The following ZNF423 variants were observed in gnomAD, a reference collection of about 807,000 sequenced individuals.
The protein encoded by ZNF423 is Ebf-associated zinc finger protein.
A neutral mutation model predicts 95.8 loss-of-function variants in ZNF423; 12 were observed. The ratio of observed to expected loss-of-function variants is 0.13; its 90% CI spans 0.08 to 0.20. The LOEUF (loss-of-function observed/expected upper bound fraction) is 0.20, where lower values mean the gene tolerates loss of function less well. ZNF423 is among the 10% of genes least tolerant of loss of function. ZNF423 has a pLI of 1.00. For synonymous variants in ZNF423, 749 were observed against 711.9 expected (o/e 1.05, Z -0.83); for missense variants, 1,316 against 1,737.1 (o/e 0.76, Z 4.31).
intron 3 of ZNF423, among the ~76,000 whole-genome samples, chr16:49,641,184 GC>G (rs1350458462): frequency 1.3e-5 from 2 of 152,246 alleles, no homozygotes; most frequent in East Asian, 3.8e-4. Flanking sequence ...CTGAGGCACG[GC>G]CTCAGAGACT....
At chr16:49,529,806 G>A (rs1293036055) in intron 5 of ZNF423, among the ~76,000 whole-genome samples, 1 of 152,182 alleles carries the variant, frequency 6.6e-6, no homozygotes, top group African/African-American at 2.4e-5. Context: ...GGCTGCAGCG[G>A]GGTGTGGACG....
Position 49,636,015 on chromosome 16 carries a change from A to G in ZNF423, c.3161T>C (p.Leu1054Pro). The G allele has an allele frequency of 1.9e-6, 3 of 1,608,060 alleles. No homozygotes were observed. The highest frequency in any genetic ancestry group is 2.6e-6 in the Non-Finnish European group (3 of 1,175,592). Reference protein sequence around the residue: ...KIHGTFHMQKLAGSSAASSPN... With the variant: ...KIHGTFHMQKPAGSSAASSPN... ...GGAGGACGCCGCTGAGCTGCCCGCC[A>G]GCTTCTGCATGTGGAAGGTGCCATG... The change falls in exon 4 of 8, where the codon CTG becomes CCG. Residue 1054 changes from leucine to proline, a missense_variant. Physicochemically the swap from Leu to Pro is moderately conservative, Grantham distance 98. Transcript: ENST00000563137. This position sits in a 1 kb window ranked among gnomAD's most constrained non-coding sequence, Gnocchi z 8.6.
rs188970391 is a variant in ZNF423, at chr16:49,586,250, C to T, written c.3601+39920G>A. ...GCGTGGCGTGATACAAACGACACTT[C>T]GATTTAATTACCACCTTTTTTTTTT... is the stretch of plus-strand genomic sequence containing the variant. On this transcript the variant is annotated intron_variant, in intron 5 of 7. Coordinates refer to ENST00000563137, the MANE Select transcript of ZNF423 (RefSeq NM_001379286.1). Among the ~76,000 whole-genome samples, 10 of 151,780 alleles carry T rather than the reference C, an allele frequency of 6.6e-5. No homozygotes were observed. In the East Asian group the frequency reaches 1.2e-3, roughly 18 times the overall value.
At chr16:49,797,889 A>G (rs891649159) in intron 1 of ZNF423, among the ~76,000 whole-genome samples, 1 of 151,744 alleles carries the variant, frequency 6.6e-6, no homozygotes, top group Non-Finnish European at 1.5e-5. Flanking sequence ...TCTCACCAAA[A>G]GGAGGCTGGG....
At chr16:49,627,357 C>T (rs1972327697) in intron 4 of ZNF423, among the ~76,000 whole-genome samples, 1 of 144,208 alleles carries the variant, frequency 6.9e-6, no homozygotes, top group Non-Finnish European at 1.5e-5. Flanking sequence ...CATCTACATA[C>T]ATACCCACCC....
intron 5 of ZNF423, among the ~76,000 whole-genome samples, chr16:49,549,361 C>A (rs1242623382): frequency 6.6e-6 from 1 of 152,212 alleles, no homozygotes; most frequent in Non-Finnish European, 1.5e-5. Flanking sequence ...AAGGTCCCAT[C>A]CGGCCTCCAG....
chr16:49,527,583 C>A (rs974413956), intron 5 of ZNF423, among the ~76,000 whole-genome samples: 2 of 152,084 alleles, frequency 1.3e-5, no homozygotes, highest in African/African-American at 4.8e-5. Flanking sequence ...AATGAGGACA[C>A]CCCGTGGACA....
chr16:49,581,576 T>C (rs1970676002), intron 5 of ZNF423, among the ~76,000 whole-genome samples: 1 of 152,202 alleles, frequency 6.6e-6, no homozygotes, highest in African/African-American at 2.4e-5. Context: ...TAATCTTCTT[T>C]GAATCCTCCC....
At position 49,855,083 on chromosome 16, in the gene ZNF423, C is replaced by A. The variant is rs1597066830; in HGVS notation, c.40+652G>T. ...CGGAGGCTCCCTGCCCGGTGGGCCT[C>A]GGTGGAGGAGGCAGGAAGTGCAGGG... is the stretch of plus-strand genomic sequence containing the variant. On this transcript the variant is annotated intron_variant, in intron 1 of 7. Coordinates refer to ENST00000563137, the MANE Select transcript of ZNF423 (RefSeq NM_001379286.1). The surrounding 1 kb of genome is among the most constrained non-coding windows in gnomAD (Gnocchi z 4.7). 3 of 976,556 alleles carry A rather than the reference C, an allele frequency of 3.1e-6. No homozygotes were observed. The highest frequency in any genetic ancestry group is 1.2e-4 in the Admixed American group (2 of 16,146). 60.5% of individuals were successfully genotyped at this position (976,556 alleles called of 1,614,324 possible).
intron 5 of ZNF423, among the ~76,000 whole-genome samples, chr16:49,615,333 C>A (rs139516755): frequency 6.6e-6 from 1 of 152,216 alleles, no homozygotes; most frequent in African/African-American, 2.4e-5. Context: ...TGGAGACATA[C>A]TTCGACTAAA....
intron 5 of ZNF423, among the ~76,000 whole-genome samples, chr16:49,578,035 G>T (rs1451668418): frequency 6.6e-6 from 1 of 152,210 alleles, no homozygotes; most frequent in African/African-American, 2.4e-5. Flanking sequence ...TGGAAGAAAG[G>T]CAGGATCAAC....
At chr16:49,514,185 A>AACACACACACAC (rs10597628) in intron 7 of ZNF423, among the ~76,000 whole-genome samples, 18 of 143,010 alleles carry the variant, frequency 1.3e-4, no homozygotes, top group East Asian at 8.2e-4. Context: ...CTGACCACCC[A>AACACACACACAC]ACACACACAC....
chr16:49,548,749 G>A (rs112209705), intron 5 of ZNF423, among the ~76,000 whole-genome samples: 353 of 152,298 alleles, frequency 2.3e-3, no homozygotes, highest in African/African-American at 8.2e-3. Flanking sequence ...CAGGCAAGCC[G>A]TGCCTGAACC....
intron 3 of ZNF423, among the ~76,000 whole-genome samples, chr16:49,692,266 T>C (rs2031813051): frequency 6.6e-6 from 1 of 152,144 alleles, no homozygotes; most frequent in Non-Finnish European, 1.5e-5. Context: ...GCCCCATTTC[T>C]TATGCAGAGC....
intron 3 of ZNF423, among the ~76,000 whole-genome samples, chr16:49,687,990 C>A (rs985049644): frequency 6.6e-6 from 1 of 151,440 alleles, no homozygotes; most frequent in Non-Finnish European, 1.5e-5. Flanking sequence ...AAAAAACAGC[C>A]AGAGGGCCTC....
intron 2 of ZNF423, among the ~76,000 whole-genome samples, chr16:49,774,119 C>T (rs2034081306): frequency 6.6e-6 from 1 of 152,230 alleles, no homozygotes; most frequent in Non-Finnish European, 1.5e-5. Flanking sequence ...CAGCTCTTTC[C>T]CAGGCTCCTT....
chr16:49,504,299 C>T (rs1967545218), intron 7 of ZNF423, among the ~76,000 whole-genome samples: 1 of 152,222 alleles, frequency 6.6e-6, no homozygotes, highest in African/African-American at 2.4e-5. Flanking sequence ...GGCACAGTGG[C>T]TCACACCTGT....
intron 3 of ZNF423, among the ~76,000 whole-genome samples, chr16:49,653,155 G>A (rs1311447806): frequency 2.6e-5 from 4 of 151,958 alleles, no homozygotes; most frequent in Non-Finnish European, 5.9e-5. Context: ...GGTGGGAGGG[G>A]ACTTGGGGTC....
At chr16:49,713,399 T>C (rs2032604637) in intron 3 of ZNF423, among the ~76,000 whole-genome samples, 2 of 152,330 alleles carry the variant, frequency 1.3e-5, no homozygotes, top group African/African-American at 4.8e-5. Flanking sequence ...CCTTGGTCCA[T>C]TCCTGCTCTG....
Sources: allele counts gnomAD v4.1 joint callset (sites outside exome capture counted in the v4.1 genomes callset), GRCh38; gene constraint gnomAD v4.1.1; non-coding constraint Gnocchi (gnomAD v3.1); transcripts MANE v1.5; gene names NCBI Gene and HGNC (gene_info 2026-07-23, HGNC 2026-07-21).